GSK3B: variants seen among roughly 807,000 people sequenced by gnomAD.
GSK3B encodes the protein glycogen synthase kinase-3 beta.
Under a neutral mutation model 56.4 loss-of-function variants are expected in GSK3B, and 15 were observed. The observed-to-expected ratio is 0.27, with a 90% confidence interval of 0.18 to 0.41. The LOEUF (loss-of-function observed/expected upper bound fraction) is 0.41, where lower values mean the gene tolerates loss of function less well. GSK3B is among the 10% of genes least tolerant of loss of function. The pLI is 1.00. For missense variants in GSK3B, 300 were observed against 513.4 expected (o/e 0.58, Z 4.02); for synonymous variants, 181 against 188.9 (o/e 0.96, Z 0.34).
intron 1 of GSK3B, among the ~76,000 whole-genome samples, chr3:120,046,963 T>G (rs1315366360): frequency 6.6e-6 from 1 of 152,166 alleles, no homozygotes; most frequent in African/African-American, 2.4e-5. Context: ...CACTCCAGTT[T>G]CCTCAAATGT....
chr3:119,901,398 T>G (rs1559829210), intron 7 of GSK3B, among the ~76,000 whole-genome samples: 1 of 152,180 alleles, frequency 6.6e-6, no homozygotes, highest in Non-Finnish European at 1.5e-5. Context: ...AATACTTGTG[T>G]TTTTCATGCT....
At chr3:120,057,043 G>T (rs939001642) in intron 1 of GSK3B, among the ~76,000 whole-genome samples, 1 of 152,188 alleles carries the variant, frequency 6.6e-6, no homozygotes, top group Non-Finnish European at 1.5e-5. Flanking sequence ...TACTCAGGAG[G>T]CTGAGGCATG....
chr3:119,977,819 T>C (rs1330955390), intron 2 of GSK3B, among the ~76,000 whole-genome samples: 1 of 152,116 alleles, frequency 6.6e-6, no homozygotes, highest in Non-Finnish European at 1.5e-5. Context: ...ACTTACAACC[T>C]TAAGAATAAA....
chr3:119,917,220 TA>T (rs1195852067), intron 4 of GSK3B, among the ~76,000 whole-genome samples: 2 of 152,204 alleles, frequency 1.3e-5, no homozygotes, highest in Non-Finnish European at 2.9e-5. Flanking sequence ...AGGCTTAGGT[TA>T]ATTAAAGTTA....
chr3:119,846,555 TTA>T (rs2055860114), intron 9 of GSK3B, among the ~76,000 whole-genome samples: 1 of 152,190 alleles, frequency 6.6e-6, no homozygotes, highest in Admixed American at 6.5e-5. Flanking sequence ...TCATCGCTGA[TTA>T]TTAGAGAAAT....
At chr3:120,046,659 A>G (rs2107537475) in intron 1 of GSK3B, among the ~76,000 whole-genome samples, 1 of 152,038 alleles carries the variant, frequency 6.6e-6, no homozygotes, top group South Asian at 2.1e-4. Flanking sequence ...CCCAGGCTGG[A>G]GTGCAGGGGT....
intron 2 of GSK3B, among the ~76,000 whole-genome samples, chr3:119,950,671 T>C (rs1442496486): frequency 3.3e-5 from 5 of 152,022 alleles, no homozygotes; most frequent in Admixed American, 6.5e-5. Flanking sequence ...CAGTAGCAAA[T>C]CTACTCCCCC....
chr3:119,972,968 T>C (rs1300132844), intron 2 of GSK3B, among the ~76,000 whole-genome samples: 1 of 152,210 alleles, frequency 6.6e-6, no homozygotes, highest in Non-Finnish European at 1.5e-5. Flanking sequence ...TGCTTGTCTG[T>C]GGTATAATTT....
chr3:119,942,612 G>C (rs2057061046), intron 3 of GSK3B, among the ~76,000 whole-genome samples: 1 of 152,122 alleles, frequency 6.6e-6, no homozygotes, highest in Non-Finnish European at 1.5e-5. Flanking sequence ...ATGATCTTCA[G>C]AGTCCTAGAG....
intron 1 of GSK3B, among the ~76,000 whole-genome samples, chr3:120,058,187 AG>A (rs1459465568): frequency 6.6e-6 from 1 of 152,186 alleles, no homozygotes. Flanking sequence ...CTACAGACAA[AG>A]AAAAAAACTA....
Position 119,824,885 on chromosome 3 carries a change from A to C in GSK3B, c.*1903T>G, listed in dbSNP as rs2055476787. On this transcript the variant is annotated 3_prime_UTR_variant, in exon 11 of 11. Coordinates refer to ENST00000264235, the MANE Select transcript of GSK3B (RefSeq NM_001146156.2). ...AGCAGGCAGGACAACTCTCTTGGAGAGTCACACACACAGTTAAGGAGCAGG... is the reference window on the plus strand; with the variant it reads ...AGCAGGCAGGACAACTCTCTTGGAGCGTCACACACACAGTTAAGGAGCAGG... 5.5e-6 allele frequency: 1 copy of C among 180,792 alleles called. No homozygotes were observed. Among genetic ancestry groups the C allele is most frequent in the Non-Finnish European group, 1.2e-5 (1 of 84,656 alleles). The allele number at this position is 180,792 out of a possible 1,614,324, so 11.2% of individuals were successfully genotyped here. A position where few individuals can be genotyped will look rare whatever the true frequency, so the allele number is the denominator to read the frequency against.
At chr3:119,955,189 C>T (rs1175156926) in intron 2 of GSK3B, among the ~76,000 whole-genome samples, 1 of 150,050 alleles carries the variant, frequency 6.7e-6, no homozygotes, top group African/African-American at 2.5e-5. Context: ...ATCTCTAAAT[C>T]TTTGATTTCA....
At chr3:120,018,063 A>G (rs890914071) in intron 1 of GSK3B, among the ~76,000 whole-genome samples, 4 of 152,184 alleles carry the variant, frequency 2.6e-5, no homozygotes, top group African/African-American at 4.8e-5. Context: ...CCAAACCATC[A>G]TCACTCATCA....
At chr3:119,985,797 C>T (rs1559864651) in intron 2 of GSK3B, among the ~76,000 whole-genome samples, 1 of 152,170 alleles carries the variant, frequency 6.6e-6, no homozygotes. Context: ...CCCCATGAAG[C>T]TACCAATGAC....
chr3:119,859,893 A>G (rs2108029236), intron 9 of GSK3B, among the ~76,000 whole-genome samples: 1 of 152,294 alleles, frequency 6.6e-6, no homozygotes, highest in South Asian at 2.1e-4. Flanking sequence ...TGGCCTAGCC[A>G]ACATGCTGCC....
intron 8 of GSK3B, among the ~76,000 whole-genome samples, chr3:119,875,862 T>C (rs76840847): frequency 0.026 from 3,928 of 152,210 alleles, 172 homozygotes; most frequent in African/African-American, 0.088. Flanking sequence ...GTTGGGTTTT[T>C]CCAAAGGCTA....
intron 9 of GSK3B, among the ~76,000 whole-genome samples, chr3:119,850,247 A>C (rs1559807286): frequency 6.6e-6 from 1 of 152,152 alleles, no homozygotes; most frequent in Non-Finnish European, 1.5e-5. Flanking sequence ...CAAGATGTGA[A>C]GGGGGGTACT....
At position 120,057,417 on chromosome 3, in the gene GSK3B, A is replaced by G. The variant is rs1264981975; in HGVS notation, c.88+35930T>C. Among the ~76,000 whole-genome samples the G allele has an allele frequency of 2.6e-5, 4 of 152,196 alleles. No individual in the cohort carries two copies. In the South Asian group the frequency reaches 8.3e-4, roughly 31 times the overall value. On this transcript the variant is annotated intron_variant, in intron 1 of 10. Transcript: ENST00000264235. ...CCAACCAACTCTATCCTAATCAGAT[A>G]AGAACATAGGTAAAGTTCTGCTACG...
chr3:119,837,140 G>T (rs2055703219), intron 10 of GSK3B, among the ~76,000 whole-genome samples: 1 of 151,922 alleles, frequency 6.6e-6, no homozygotes, highest in Non-Finnish European at 1.5e-5. Context: ...TAAATTTCAG[G>T]GTGAAAAAAG....
Sources: gnomAD v4.1 joint callset for allele counts (sites outside exome capture counted in the v4.1 genomes callset) on GRCh38, gnomAD v4.1.1 for gene constraint, MANE v1.5 for transcripts, NCBI Gene and HGNC (gene_info 2026-07-23, HGNC 2026-07-21) for gene names.